GREB1L: variants seen among roughly 807,000 people sequenced by gnomAD.
GREB1L encodes the protein GREB1-like protein.
A neutral mutation model predicts 200.8 loss-of-function variants in GREB1L; 17 were observed. That is an observed-to-expected ratio of 0.08 (90% CI 0.06 to 0.13). The LOEUF (loss-of-function observed/expected upper bound fraction) is 0.13. GREB1L is among the 10% of genes least tolerant of loss of function. GREB1L has a pLI of 1.00. For synonymous variants in GREB1L, 789 were observed against 893.0 expected (o/e 0.88, Z 2.08); for missense variants, 1,657 against 2,367.7 (o/e 0.70, Z 6.23).
At chr18:21,487,872 G>A (rs1372528715) in intron 18 of GREB1L, among the ~76,000 whole-genome samples, 4 of 151,328 alleles carry the variant, frequency 2.6e-5, no homozygotes, top group African/African-American at 4.9e-5. Context: ...TTAGCCAGGC[G>A]TGGTGGCGGG....
chr18:21,407,598 TGATAAAATA>T (rs1389922852), intron 7 of GREB1L, among the ~76,000 whole-genome samples: 2 of 152,196 alleles, frequency 1.3e-5, no homozygotes, highest in African/African-American at 2.4e-5. Flanking sequence ...CTGGAAAAAT[TGATAAAATA>T]GGCCTCATCA....
intron 15 of GREB1L, among the ~76,000 whole-genome samples, chr18:21,462,885 C>T (rs1045526187): frequency 4.6e-5 from 7 of 152,074 alleles, no homozygotes; most frequent in African/African-American, 1.7e-4. Context: ...TTAATACAAA[C>T]AAATGGAGGA....
At chr18:21,463,303 G>A (rs1380385278) in intron 15 of GREB1L, among the ~76,000 whole-genome samples, 3 of 151,122 alleles carry the variant, frequency 2.0e-5, no homozygotes, top group Non-Finnish European at 3.0e-5. Flanking sequence ...CCGCCACCGC[G>A]CCTGGCTAAT....
chr18:21,315,519 T>A (rs1183131047), intron 1 of GREB1L, among the ~76,000 whole-genome samples: 6 of 152,156 alleles, frequency 3.9e-5, no homozygotes, highest in African/African-American at 1.2e-4. Flanking sequence ...CACATATCAT[T>A]TTAAATAAAA....
At position 21,436,669 on chromosome 18, in the gene GREB1L, G is replaced by GGTGTGTGTGT. The variant is rs71178172; in HGVS notation, c.833-2813_833-2804dup. 6.0e-3 allele frequency among the ~76,000 whole-genome samples: 801 copies of GGTGTGTGTGT among 132,520 alleles called. 7 individuals carry two copies. The highest frequency in any genetic ancestry group is 0.011 in the African/African-American group (396 of 34,934). 86.9% of individuals were successfully genotyped at this position (132,520 alleles called of 152,430 possible). On this transcript the variant is annotated intron_variant, in intron 7 of 32. Transcript: ENST00000424526. ...AGATAGAATCCCAGAAAAGTTCAGT[G>GGTGTGTGTGT]GTGTGTGTGTGTGTGTGTGTGTGTG...
At chr18:21,492,639 G>C (rs536937407) in intron 19 of GREB1L, among the ~76,000 whole-genome samples, 1 of 152,186 alleles carries the variant, frequency 6.6e-6, no homozygotes, top group African/African-American at 2.4e-5. Flanking sequence ...CTGGCTGCTA[G>C]CTCATCAGAA....
At chr18:21,440,919 A>G (rs562141605) in intron 9 of GREB1L, among the ~76,000 whole-genome samples, 1 of 152,242 alleles carries the variant, frequency 6.6e-6, no homozygotes, top group Non-Finnish European at 1.5e-5. Flanking sequence ...AGTTATTTAA[A>G]TGTTTGTTTA....
At chr18:21,271,059 A>G (rs1448259142) in intron 1 of GREB1L, among the ~76,000 whole-genome samples, 1 of 152,190 alleles carries the variant, frequency 6.6e-6, no homozygotes, top group Non-Finnish European at 1.5e-5. Flanking sequence ...CCAGTACATC[A>G]TATTGATTTA....
chr18:21,480,870 A>G (rs1314940361), intron 17 of GREB1L, among the ~76,000 whole-genome samples: 1 of 152,040 alleles, frequency 6.6e-6, no homozygotes, highest in Non-Finnish European at 1.5e-5. Context: ...AAATACAAAA[A>G]TTAGCCAGGC....
chr18:21,490,796 T>C (rs1467042718), intron 19 of GREB1L, among the ~76,000 whole-genome samples: 1 of 152,196 alleles, frequency 6.6e-6, no homozygotes, highest in African/African-American at 2.4e-5. Context: ...CTAGAGTCGG[T>C]AAAGTATTCT....
At chr18:21,318,352 C>G (rs575111371) in intron 1 of GREB1L, among the ~76,000 whole-genome samples, 1 of 152,034 alleles carries the variant, frequency 6.6e-6, no homozygotes, top group Middle Eastern at 3.2e-3. Flanking sequence ...AGATGAAAAC[C>G]CCTGGTATCT....
chr18:21,434,535 A>ATGTG (rs2033405746), intron 7 of GREB1L, among the ~76,000 whole-genome samples: 17 of 144,500 alleles, frequency 1.2e-4, no homozygotes, highest in African/African-American at 4.7e-4. Flanking sequence ...GTGTGTGTAT[A>ATGTG]TATATGTGTA....
chr18:21,268,000 G>A (rs912523422), intron 1 of GREB1L, among the ~76,000 whole-genome samples: 1 of 152,148 alleles, frequency 6.6e-6, no homozygotes, highest in Non-Finnish European at 1.5e-5. Context: ...GGAATATGTT[G>A]TAAGAGGATC....
chr18:21,515,860 G>GA (rs1388528180), intron 29 of GREB1L, among the ~76,000 whole-genome samples: 1 of 152,222 alleles, frequency 6.6e-6, no homozygotes, highest in Non-Finnish European at 1.5e-5. Flanking sequence ...AATGCTTAGA[G>GA]AAAACACTTT....
intron 2 of GREB1L, among the ~76,000 whole-genome samples, 180 bp from the exon 3 acceptor site, chr18:21,383,330 C>T (rs967023440): frequency 6.6e-6 from 1 of 152,170 alleles, no homozygotes; most frequent in African/African-American, 2.4e-5. Context: ...ACAAAAAGCA[C>T]ACGTGACATG....
chr18:21,250,907 C>T (rs2037691702), intron 1 of GREB1L, among the ~76,000 whole-genome samples: 2 of 152,118 alleles, frequency 1.3e-5, no homozygotes, highest in Admixed American at 6.6e-5. Flanking sequence ...AATCTAACCA[C>T]GCTAAGTCAA....
At chr18:21,248,825 C>A (rs1165289374) in intron 1 of GREB1L, among the ~76,000 whole-genome samples, 1 of 152,208 alleles carries the variant, frequency 6.6e-6, no homozygotes, top group Non-Finnish European at 1.5e-5. Flanking sequence ...ATTTCAAGCA[C>A]TCAATAGCTG....
intron 1 of GREB1L, among the ~76,000 whole-genome samples, chr18:21,313,246 G>A (rs546024823): frequency 6.6e-6 from 1 of 152,130 alleles, no homozygotes; most frequent in South Asian, 2.1e-4. Flanking sequence ...TAAGAGCCAG[G>A]AAGGTAATCG....
intron 17 of GREB1L, among the ~76,000 whole-genome samples, chr18:21,483,710 C>T (rs2036008062): frequency 6.6e-6 from 1 of 152,208 alleles, no homozygotes; most frequent in South Asian, 2.1e-4. Flanking sequence ...GGCACATTGG[C>T]TCATGTCTGT....
Sources: allele counts gnomAD v4.1 joint callset (sites outside exome capture counted in the v4.1 genomes callset), GRCh38; gene constraint gnomAD v4.1.1; transcripts MANE v1.5; gene names NCBI Gene and HGNC (gene_info 2026-07-23, HGNC 2026-07-21).